Variants in DGKB observed in about 807,000 individuals in gnomAD.
The protein encoded by DGKB is 90 kDa diacylglycerol kinase.
DGKB carries 67 observed loss-of-function variants against 114.3 expected under a neutral mutation model. The ratio of observed to expected loss-of-function variants is 0.59; its 90% CI spans 0.48 to 0.72. The LOEUF (loss-of-function observed/expected upper bound fraction) is 0.72. Among genes scored for constraint, DGKB ranks in the 30% least tolerant of loss-of-function variants. DGKB has a pLI of 0.00. For synonymous variants in DGKB, 398 were observed against 323.1 expected (o/e 1.23, Z -2.49); for missense variants, 907 against 975.2 (o/e 0.93, Z 0.93).
At chr7:14,331,091 G>A (rs1270290415) in intron 23 of DGKB, among the ~76,000 whole-genome samples, 2 of 151,870 alleles carry the variant, frequency 1.3e-5, no homozygotes, top group East Asian at 1.9e-4. Context: ...TTAAGCATAT[G>A]CTATTATTTG....
intron 2 of DGKB, among the ~76,000 whole-genome samples, chr7:14,839,837 T>G (rs1847679222): frequency 6.6e-6 from 1 of 152,118 alleles, no homozygotes; most frequent in Non-Finnish European, 1.5e-5. Flanking sequence ...TTTTTTTAGT[T>G]TTTTAAAATG....
At chr7:14,936,243 G>C (rs953906274) in intron 1 of DGKB, among the ~76,000 whole-genome samples, 1 of 152,138 alleles carries the variant, frequency 6.6e-6, no homozygotes, top group Non-Finnish European at 1.5e-5. Flanking sequence ...TGTAAAAATA[G>C]ACTAAATTGG....
intron 25 of DGKB, among the ~76,000 whole-genome samples, chr7:14,175,247 T>G (rs912708294): frequency 1.3e-5 from 2 of 152,204 alleles, no homozygotes; most frequent in Non-Finnish European, 2.9e-5. Context: ...GTTCCATTAT[T>G]TAGAATTTGT....
At chr7:14,262,843 T>C (rs1338809759) in intron 23 of DGKB, among the ~76,000 whole-genome samples, 1 of 152,088 alleles carries the variant, frequency 6.6e-6, no homozygotes, top group African/African-American at 2.4e-5. Flanking sequence ...CCAGCAGCAG[T>C]AAACTGAACA....
chr7:14,471,237 A>G (rs374711873), intron 21 of DGKB, among the ~76,000 whole-genome samples: 19 of 1,580 alleles, frequency 0.012, 5 homozygotes, highest in Admixed American at 0.021. Flanking sequence ...TATGGAATAT[A>G]TGTATACATA....
intron 20 of DGKB, among the ~76,000 whole-genome samples, chr7:14,567,427 AT>A (rs1797696623): frequency 3.9e-5 from 2 of 51,368 alleles, no homozygotes; most frequent in Non-Finnish European, 6.8e-5. Context: ...TTTATATATT[AT>A]ATATATAATT....
At chr7:14,592,190 T>G (rs75155491) in intron 17 of DGKB, among the ~76,000 whole-genome samples, 5,651 of 151,894 alleles carry the variant, frequency 0.037, 367 homozygotes, top group African/African-American at 0.13. Context: ...TTTCAGCATA[T>G]CTATACATGG....
chr7:14,369,044 T>C (rs1817183249), intron 21 of DGKB, among the ~76,000 whole-genome samples: 1 of 152,152 alleles, frequency 6.6e-6, no homozygotes, highest in Admixed American at 6.5e-5. Flanking sequence ...CTACATTTGG[T>C]ATTTCTCCTA....
chr7:14,338,365 G>A, intron 23 of DGKB, 150 bp downstream of exon 23: 1 of 455,124 alleles, frequency 2.2e-6, no homozygotes, highest in South Asian at 7.4e-5. Flanking sequence ...TGTGATATAA[G>A]TTAATCACAC....
At chr7:14,934,739 A>G (rs73058945) in intron 1 of DGKB, among the ~76,000 whole-genome samples, 21,671 of 152,168 alleles carry the variant, frequency 0.14, 1,616 homozygotes, top group Admixed American at 0.2. Context: ...ATACTGAAGC[A>G]GGTGAGAAAC....
intron 2 of DGKB, among the ~76,000 whole-genome samples, chr7:14,801,078 T>C (rs1275495020): frequency 1.3e-5 from 2 of 152,200 alleles, no homozygotes; most frequent in African/African-American, 4.8e-5. Flanking sequence ...AATAAGTGTA[T>C]GTGCATGTGC....
intron 23 of DGKB, among the ~76,000 whole-genome samples, chr7:14,184,910 C>G (rs188199263): frequency 5.6e-4 from 85 of 152,222 alleles, no homozygotes; most frequent in Middle Eastern, 6.8e-3. Flanking sequence ...AAACTCACAG[C>G]CAACATAATA....
At chr7:14,364,549 A>ATC (rs1816322945) in intron 21 of DGKB, among the ~76,000 whole-genome samples, 3 of 152,090 alleles carry the variant, frequency 2.0e-5, no homozygotes, top group Non-Finnish European at 4.4e-5. Context: ...CATCTTGCTA[A>ATC]TACTTAGGTA....
chr7:14,447,662 A>G (rs1387878135), intron 21 of DGKB, among the ~76,000 whole-genome samples: 1 of 152,142 alleles, frequency 6.6e-6, no homozygotes, highest in Non-Finnish European at 1.5e-5. Flanking sequence ...AGAGCTAGGA[A>G]CATGTCCGGA....
chr7:14,669,727 A>G (rs1253861448), intron 13 of DGKB, among the ~76,000 whole-genome samples: 1 of 152,158 alleles, frequency 6.6e-6, no homozygotes, highest in African/African-American at 2.4e-5. Flanking sequence ...GCCCCAACAG[A>G]CCAGACCAGA....
At chr7:14,972,864 CA>C (rs1157424682) in intron 1 of DGKB, among the ~76,000 whole-genome samples, 6 of 151,974 alleles carry the variant, frequency 3.9e-5, no homozygotes, top group African/African-American at 1.2e-4. Flanking sequence ...ACTCTAAACA[CA>C]AAGCATGTGA....
At chr7:14,461,511 G>A (rs765862648) in intron 21 of DGKB, among the ~76,000 whole-genome samples, 3 of 151,866 alleles carry the variant, frequency 2.0e-5, no homozygotes, top group African/African-American at 4.8e-5. Context: ...TAGAAGAAAC[G>A]GATAAATTCC....
intron 12 of DGKB, among the ~76,000 whole-genome samples, chr7:14,679,000 T>C (rs1820367943): frequency 6.6e-6 from 1 of 151,976 alleles, no homozygotes; most frequent in South Asian, 2.1e-4. Context: ...GAGAGAGTTG[T>C]AGTAACAGTC....
At chr7:14,953,608 C>G (rs1004831662) in intron 1 of DGKB, among the ~76,000 whole-genome samples, 3 of 152,218 alleles carry the variant, frequency 2.0e-5, no homozygotes, top group African/African-American at 7.2e-5. Flanking sequence ...GAACATGTAA[C>G]AGTGCAGCCA....
Sources: gnomAD v4.1 joint callset for allele counts (sites outside exome capture counted in the v4.1 genomes callset) on GRCh38, gnomAD v4.1.1 for gene constraint, MANE v1.5 for transcripts, NCBI Gene and HGNC (gene_info 2026-07-23, HGNC 2026-07-21) for gene names.